Variants in GABRA4 observed in about 807,000 individuals in gnomAD.
GABRA4 encodes gamma-aminobutyric acid receptor subunit alpha-4.
In GABRA4, 12 loss-of-function variants were observed where a neutral mutation model predicts 49.7. That is an observed-to-expected ratio of 0.24 (90% CI 0.15 to 0.39). The LOEUF (loss-of-function observed/expected upper bound fraction) is 0.39. Among genes scored for constraint, GABRA4 ranks in the 10% least tolerant of loss-of-function variants. The pLI is 1.00. For missense variants in GABRA4, 506 were observed against 686.0 expected, an observed-to-expected ratio of 0.74 and a Z score of 2.93; for synonymous variants, 288 against 240.2, an observed-to-expected ratio of 1.20 and a Z score of -1.84.
rs1443825697 is a variant in GABRA4, at chr4:46,922,936, CA to C, written c.*5288del. On this transcript the variant is annotated 3_prime_UTR_variant, in exon 9 of 9. Coordinates refer to ENST00000264318, the MANE Select transcript of GABRA4 (RefSeq NM_000809.4). ...GGGCAGCACAACAGGAGGTGAGTGG[CA>C]CCCATTGAGCATTATCGCCTGAGCT... 8.5e-5 allele frequency: 13 copies of C among 152,192 alleles called. No homozygotes were observed. The highest frequency in any genetic ancestry group is 3.1e-4 in the African/African-American group (13 of 41,418). 9.4% of individuals were successfully genotyped at this position (152,192 alleles called of 1,614,324 possible).
intron 7 of GABRA4, among the ~76,000 whole-genome samples, chr4:46,969,706 G>T (rs185460108): frequency 2.6e-5 from 4 of 151,372 alleles, no homozygotes; most frequent in African/African-American, 9.7e-5. Flanking sequence ...AGTCTATGAG[G>T]GTGAGATGTA....
At chr4:46,931,042 T>TA (rs1243386647) in intron 8 of GABRA4, among the ~76,000 whole-genome samples, 1 of 151,954 alleles carries the variant, frequency 6.6e-6, no homozygotes, top group East Asian at 1.9e-4. Context: ...CAGGACAAAG[T>TA]ACCAGAGATA....
intron 8 of GABRA4, among the ~76,000 whole-genome samples, chr4:46,961,839 AGAAGAAGAG>A (rs922469945): frequency 2.1e-4 from 32 of 151,830 alleles, no homozygotes; most frequent in East Asian, 1.9e-4. Context: ...TAGTGGAGGA[AGAAGAAGAG>A]GAAGAAGAGG....
chr4:46,947,139 A>T (rs1160158622), intron 8 of GABRA4, among the ~76,000 whole-genome samples: 1 of 151,784 alleles, frequency 6.6e-6, no homozygotes, highest in African/African-American at 2.4e-5. Context: ...TGTCATTCCT[A>T]CAAATAACAT....
intron 8 of GABRA4, among the ~76,000 whole-genome samples, chr4:46,955,861 A>G (rs1417540995): frequency 6.6e-6 from 1 of 152,102 alleles, no homozygotes; most frequent in Non-Finnish European, 1.5e-5. Flanking sequence ...AGCCACTAAC[A>G]AGATTAATAG....
chr4:46,952,350 T>C (rs762511686), intron 8 of GABRA4, among the ~76,000 whole-genome samples: 4 of 152,034 alleles, frequency 2.6e-5, no homozygotes, highest in Non-Finnish European at 5.9e-5. Context: ...TCCTGTAACA[T>C]CTGAAATACT....
At chr4:46,930,721 T>C (rs1201082982) in intron 8 of GABRA4, among the ~76,000 whole-genome samples, 2 of 151,870 alleles carry the variant, frequency 1.3e-5, no homozygotes, top group Non-Finnish European at 2.9e-5. Flanking sequence ...GAAATCTGTA[T>C]GTTTCCTAAT....
intron 3 of GABRA4, among the ~76,000 whole-genome samples, chr4:46,978,409 C>G (rs929037495): frequency 3.3e-5 from 5 of 151,770 alleles, no homozygotes; most frequent in Admixed American, 2.0e-4. Flanking sequence ...AAAAAACAGC[C>G]GGGCACGGTG....
chr4:46,952,901 C>G (rs917514714), intron 8 of GABRA4, among the ~76,000 whole-genome samples: 2 of 151,732 alleles, frequency 1.3e-5, no homozygotes, highest in Admixed American at 6.6e-5. Context: ...AAAATTTCAC[C>G]AATGGAAATG....
intron 8 of GABRA4, among the ~76,000 whole-genome samples, chr4:46,941,217 T>A (rs936737675): frequency 5.9e-5 from 9 of 151,968 alleles, no homozygotes; most frequent in Non-Finnish European, 1.3e-4. Flanking sequence ...AAAACAAATC[T>A]TAAAACCAAA....
At chr4:46,954,454 G>T (rs1253224698) in intron 8 of GABRA4, among the ~76,000 whole-genome samples, 1 of 151,926 alleles carries the variant, frequency 6.6e-6, no homozygotes, top group Admixed American at 6.6e-5. Context: ...CTACTCAGGA[G>T]GCTGAGGCAG....
intron 8 of GABRA4, among the ~76,000 whole-genome samples, chr4:46,955,702 C>A (rs1484965279): frequency 2.0e-5 from 3 of 151,970 alleles, no homozygotes; most frequent in Non-Finnish European, 4.4e-5. Flanking sequence ...AACAGGTTCC[C>A]AGTATGTAAC....
intron 8 of GABRA4, among the ~76,000 whole-genome samples, chr4:46,945,327 C>A (rs970328262): frequency 1.3e-5 from 2 of 152,112 alleles, no homozygotes; most frequent in African/African-American, 4.8e-5. Context: ...CCTACATCAA[C>A]CTGCACCTTC....
intron 8 of GABRA4, among the ~76,000 whole-genome samples, chr4:46,947,888 G>T (rs1722034693): frequency 6.6e-6 from 1 of 152,074 alleles, no homozygotes; most frequent in Admixed American, 6.6e-5. Context: ...ACTCAGGTAA[G>T]CAGCATTCAC....
chr4:46,981,536 A>T (rs1723355248), intron 2 of GABRA4, among the ~76,000 whole-genome samples: 1 of 152,052 alleles, frequency 6.6e-6, no homozygotes, highest in African/African-American at 2.4e-5. Flanking sequence ...TTGTAAAGGG[A>T]TTTCCTTCAG....
rs1464568794 is a variant in GABRA4, at chr4:46,924,533, G to T, written c.*3692C>A. The T allele has an allele frequency of 3.3e-5, 5 of 152,044 alleles. No homozygotes were observed. Among genetic ancestry groups the T allele is most frequent in the Non-Finnish European group, 5.9e-5 (4 of 67,972 alleles). 9.4% of individuals were successfully genotyped at this position (152,044 alleles called of 1,614,324 possible). On this transcript the variant is annotated 3_prime_UTR_variant, in exon 9 of 9. Transcript: ENST00000264318. The stretch of plus-strand genomic sequence containing the variant: ...AGCACAGTACCCAAACTGGGCAGGA[G>T]CCCATTTAGTGAATAAAAGCCCAGG...
At chr4:46,937,765 T>C (rs1375139021) in intron 8 of GABRA4, among the ~76,000 whole-genome samples, 1 of 152,210 alleles carries the variant, frequency 6.6e-6, no homozygotes, top group Non-Finnish European at 1.5e-5. Context: ...TGAGTTATTT[T>C]CAGCACCTCT....
chr4:46,947,578 A>C (rs771776081), intron 8 of GABRA4, among the ~76,000 whole-genome samples: 8 of 151,834 alleles, frequency 5.3e-5, no homozygotes, highest in Non-Finnish European at 8.8e-5. Context: ...AGGCGCAAAA[A>C]AGGAAGGAAG....
chr4:46,933,435 C>T (rs1721508812), intron 8 of GABRA4, among the ~76,000 whole-genome samples: 2 of 152,046 alleles, frequency 1.3e-5, no homozygotes, highest in Non-Finnish European at 1.5e-5. Flanking sequence ...GCTGAGAATG[C>T]CTTAGAAGTT....
Sources: gnomAD v4.1 joint callset for allele counts (sites outside exome capture counted in the v4.1 genomes callset) on GRCh38, gnomAD v4.1.1 for gene constraint, MANE v1.5 for transcripts, NCBI Gene and HGNC (gene_info 2026-07-23, HGNC 2026-07-21) for gene names.